R3HCC1L: variants seen among roughly 807,000 people sequenced by gnomAD.
R3HCC1L encodes R3H domain and coiled-coil containing 1 like.
Under a neutral mutation model 59.9 loss-of-function variants are expected in R3HCC1L, and 51 were observed. The ratio of observed to expected loss-of-function variants is 0.85; its 90% CI spans 0.68 to 1.07. The LOEUF (loss-of-function observed/expected upper bound fraction) is 1.07, where lower values mean the gene tolerates loss of function less well. Ranked by LOEUF, R3HCC1L falls within the 50% of genes least tolerant of loss-of-function variation. R3HCC1L has a pLI of 0.00. For synonymous variants in R3HCC1L, 322 were observed against 315.2 expected, an observed-to-expected ratio of 1.02 and a Z score of -0.23; for missense variants, 965 against 933.0, an observed-to-expected ratio of 1.03 and a Z score of -0.45.
chr10:98,235,974 G>C (rs1388853552), intron 8 of R3HCC1L, 50 bp from the exon 9 acceptor site: 3 of 1,556,138 alleles, frequency 1.9e-6, no homozygotes, highest in Non-Finnish European at 2.6e-6. Context: ...TGAAGCTAGA[G>C]TGCTCTCTCT....
chr10:98,236,297 A>G, intron 9 of R3HCC1L, 133 bp downstream of exon 9: 1 of 1,156,424 alleles, frequency 8.6e-7, no homozygotes, highest in Admixed American at 2.8e-5. Context: ...AGTGTATAGA[A>G]ATTTTCATGC....
rs113235248 is a variant in R3HCC1L at position 98,234,406 on chromosome 10, A to T, written c.1962-40A>T. ...TTTGTGAGATGTTTCATAAAAGTAA[A>T]TTTTATTTTAGGAAATAAAATTGTT... On this transcript the variant is annotated intron_variant, in intron 6 of 9. Transcript: ENST00000298999. 2.6e-6 allele frequency: 4 copies of T among 1,566,606 alleles called. No homozygotes were observed. The East Asian group carries it at 9.0e-5, about 35-fold the overall frequency.
intron 6 of R3HCC1L, among the ~76,000 whole-genome samples, chr10:98,233,613 G>A (rs1856615727): frequency 6.6e-6 from 1 of 152,138 alleles, no homozygotes. Context: ...TCTCAAGGTG[G>A]CAGAACCCTG....
chr10:98,210,228 T>C (rs1472617882), intron 5 of R3HCC1L, among the ~76,000 whole-genome samples: 3 of 152,166 alleles, frequency 2.0e-5, no homozygotes. Flanking sequence ...CATGGGCCTA[T>C]TTAAGGGAAG....
intron 4 of R3HCC1L, among the ~76,000 whole-genome samples, chr10:98,176,339 GATC>G (rs1849013875): frequency 6.6e-6 from 1 of 152,084 alleles, no homozygotes; most frequent in African/African-American, 2.4e-5. Context: ...TAATTCTAAA[GATC>G]ATTTTGGGGA....
intron 4 of R3HCC1L, among the ~76,000 whole-genome samples, chr10:98,195,108 T>C (rs939456172): frequency 2.0e-5 from 3 of 152,156 alleles, no homozygotes; most frequent in Non-Finnish European, 4.4e-5. Context: ...AAATATGGCA[T>C]GTACCTACAA....
At position 98,239,697 on chromosome 10, in the gene R3HCC1L, G is replaced by A. The variant is rs537141755; in HGVS notation, c.2269+3533G>A. 1.4e-4 allele frequency among the ~76,000 whole-genome samples: 21 copies of A among 152,086 alleles called. No individual in the cohort carries two copies. The East Asian group carries it at 2.9e-3, about 21-fold the overall frequency. ...TCTGCTATATTTTTCACTCTACTTT[G>A]ATTATTTATTTATTTATTGAGACAG... On this transcript the variant is annotated intron_variant, in intron 9 of 9. Transcript: ENST00000298999.
At chr10:98,176,348 G>A (rs1849014976) in intron 4 of R3HCC1L, among the ~76,000 whole-genome samples, 1 of 152,036 alleles carries the variant, frequency 6.6e-6, no homozygotes. Flanking sequence ...AGATCATTTT[G>A]GGGAGAATTG....
intron 5 of R3HCC1L, 28 bp from the exon 6 acceptor site, chr10:98,231,484 G>A (rs751963073): frequency 1.0e-5 from 16 of 1,593,884 alleles, no homozygotes; most frequent in South Asian, 4.6e-5. Flanking sequence ...TAATGTAACC[G>A]GCACTTAACG....
intron 1 of R3HCC1L, among the ~76,000 whole-genome samples, chr10:98,139,859 T>A (rs973469981): frequency 9.9e-5 from 15 of 152,038 alleles, no homozygotes; most frequent in African/African-American, 2.9e-4. Flanking sequence ...TCTTTTTTTT[T>A]AATGCCAGAT....
Position 98,236,025 on chromosome 10 carries a change from G to T in R3HCC1L, c.2130G>T (p.Glu710Asp), listed in dbSNP as rs749585631. The T allele has an allele frequency of 6.2e-7, 1 of 1,613,008 alleles. No individual in the cohort carries two copies. The highest frequency in any genetic ancestry group is 1.7e-5 in the Admixed American group (1 of 59,836). The change falls in exon 9 of 10, where the codon GAG becomes GAT. Residue 710 changes from glutamate to aspartate, a missense_variant and splice_region_variant. Physicochemically the swap from Glu to Asp is conservative, Grantham distance 45. Transcript: ENST00000298999. ...ACTCCCTTCCTTTCTTCGATTCAGAGTTCCTCCAGCCAGCAAAGGAGCGTC... is the reference window on the plus strand; with the variant it reads ...ACTCCCTTCCTTTCTTCGATTCAGATTTCCTCCAGCCAGCAAAGGAGCGTC... ...AAKAKARAYA[E>D]FLQPAKERPE...
chr10:98,147,276 G>A (rs956579134), intron 1 of R3HCC1L, among the ~76,000 whole-genome samples: 6 of 151,950 alleles, frequency 3.9e-5, no homozygotes, highest in African/African-American at 1.2e-4. Flanking sequence ...TTCTTTTGCT[G>A]TTGAGTTGTT....
chr10:98,226,070 A>G (rs1182557775), intron 5 of R3HCC1L, among the ~76,000 whole-genome samples: 1 of 151,542 alleles, frequency 6.6e-6, no homozygotes, highest in Non-Finnish European at 1.5e-5. Context: ...CTGGTCTTGA[A>G]CTCAAGCAGT....
intron 5 of R3HCC1L, among the ~76,000 whole-genome samples, chr10:98,229,839 C>G (rs1016612364): frequency 6.6e-6 from 1 of 152,100 alleles, no homozygotes; most frequent in African/African-American, 2.4e-5. Context: ...TTGAGATAAT[C>G]ATGTAGTTTT....
chr10:98,176,581 T>G (rs1849043170), intron 4 of R3HCC1L, among the ~76,000 whole-genome samples: 1 of 152,190 alleles, frequency 6.6e-6, no homozygotes, highest in East Asian at 1.9e-4. Flanking sequence ...TTGCTAAACT[T>G]ACTTAGTTCT....
chr10:98,159,079 ATT>A (rs1474373203), intron 2 of R3HCC1L, among the ~76,000 whole-genome samples: 1 of 152,158 alleles, frequency 6.6e-6, no homozygotes, highest in African/African-American at 2.4e-5. Context: ...AAGTGTTGGG[ATT>A]ACAGGTGTGA....
intron 5 of R3HCC1L, among the ~76,000 whole-genome samples, chr10:98,222,016 G>T (rs1855046503): frequency 6.6e-6 from 1 of 152,178 alleles, no homozygotes; most frequent in Admixed American, 6.5e-5. Context: ...CATGAGCATG[G>T]AATGTTCTTC....
chr10:98,181,615 C>T (rs1849630440), intron 4 of R3HCC1L, among the ~76,000 whole-genome samples: 1 of 152,122 alleles, frequency 6.6e-6, no homozygotes, highest in Admixed American at 6.5e-5. Context: ...AGAGTGCTTC[C>T]AGCTTGGTTC....
chr10:98,231,777 TC>T, intron 6 of R3HCC1L, 90 bp downstream of exon 6: 6 of 1,315,724 alleles, frequency 4.6e-6, no homozygotes, highest in Non-Finnish European at 6.2e-6. Context: ...GTTTTTTATA[TC>T]CCGTTTTTCA....
Sources: gnomAD v4.1 joint callset for allele counts (sites outside exome capture counted in the v4.1 genomes callset) on GRCh38, gnomAD v4.1.1 for gene constraint, MANE v1.5 for transcripts, NCBI Gene and HGNC (gene_info 2026-07-23, HGNC 2026-07-21) for gene names.